The following PPP4R4 variants were observed in gnomAD, a reference collection of about 807,000 sequenced individuals.
The protein encoded by PPP4R4 is serine/threonine-protein phosphatase 4 regulatory subunit 4.
PPP4R4 carries 70 observed loss-of-function variants against 121.8 expected under a neutral mutation model. The observed-to-expected ratio is 0.57, with a 90% CI of 0.47 to 0.70. PPP4R4 has a LOEUF of 0.70. Ranked by LOEUF, PPP4R4 falls within the 30% of genes least tolerant of loss-of-function variation. PPP4R4 has a pLI of 0.00. For synonymous variants in PPP4R4, 348 were observed against 355.7 expected (o/e 0.98, Z 0.24); for missense variants, 875 against 1,033.6 (o/e 0.85, Z 2.10).
chr14:94,200,925 C>CT (rs1448969371), intron 2 of PPP4R4, among the ~76,000 whole-genome samples: 3 of 151,736 alleles, frequency 2.0e-5, no homozygotes, highest in African/African-American at 7.3e-5. Flanking sequence ...CTCAGCTAGT[C>CT]TATTTGTGCT....
chr14:94,185,895 A>C (rs8004076), intron 2 of PPP4R4, among the ~76,000 whole-genome samples: 21,648 of 152,172 alleles, frequency 0.14, 2,185 homozygotes, highest in African/African-American at 0.28. Flanking sequence ...CTAGCACAAA[A>C]TATAGAACAT....
intron 2 of PPP4R4, among the ~76,000 whole-genome samples, chr14:94,181,691 T>A (rs1462642991): frequency 6.6e-6 from 1 of 152,172 alleles, no homozygotes; most frequent in East Asian, 1.9e-4. Flanking sequence ...TGGTTCTAGG[T>A]TTTTATGATT....
chr14:94,211,367 G>T (rs1160133449), intron 3 of PPP4R4, among the ~76,000 whole-genome samples: 1 of 152,178 alleles, frequency 6.6e-6, no homozygotes, highest in Non-Finnish European at 1.5e-5. Context: ...TGTGCATTGG[G>T]ATGGCAAGGA....
chr14:94,249,183 T>C (rs1893052817), intron 14 of PPP4R4, among the ~76,000 whole-genome samples: 1 of 152,054 alleles, frequency 6.6e-6, no homozygotes, highest in South Asian at 2.1e-4. Context: ...AATAATATGC[T>C]TTTGTTTAGT....
intron 23 of PPP4R4, among the ~76,000 whole-genome samples, chr14:94,268,254 TTCA>T (rs1376262848): frequency 7.2e-5 from 11 of 152,222 alleles, no homozygotes; most frequent in African/African-American, 1.2e-4. Flanking sequence ...ATTATAGATG[TTCA>T]TAAGGGGTTC....
At chr14:94,247,489 T>A (rs1892957335) in intron 14 of PPP4R4, among the ~76,000 whole-genome samples, 1 of 152,174 alleles carries the variant, frequency 6.6e-6, no homozygotes, top group African/African-American at 2.4e-5. Context: ...CCTTGCAAGC[T>A]CCTCTGAGCT....
chr14:94,218,126 G>A (rs763655319), intron 3 of PPP4R4, among the ~76,000 whole-genome samples: 2 of 152,166 alleles, frequency 1.3e-5, no homozygotes, highest in Admixed American at 6.5e-5. Context: ...TATCCAAACT[G>A]AAACATAGAG....
At chr14:94,186,414 AT>A (rs1889286736) in intron 2 of PPP4R4, among the ~76,000 whole-genome samples, 2 of 152,078 alleles carry the variant, frequency 1.3e-5, no homozygotes, top group Admixed American at 1.3e-4. Flanking sequence ...ATTATCTTTG[AT>A]GTTGCCTATA....
intron 3 of PPP4R4, among the ~76,000 whole-genome samples, chr14:94,220,476 A>G (rs1308946287): frequency 6.6e-6 from 1 of 151,844 alleles, no homozygotes; most frequent in Non-Finnish European, 1.5e-5. Context: ...TTTTTTTCTC[A>G]GATAACATTA....
intron 7 of PPP4R4, among the ~76,000 whole-genome samples, chr14:94,235,218 A>G (rs1352039732): frequency 1.3e-5 from 2 of 152,090 alleles, no homozygotes; most frequent in African/African-American, 4.8e-5. Flanking sequence ...AAGTCTGTAC[A>G]TGTTCAGTAA....
chr14:94,254,289 C>G (rs1358658235), intron 16 of PPP4R4, among the ~76,000 whole-genome samples: 1 of 152,016 alleles, frequency 6.6e-6, no homozygotes, highest in African/African-American at 2.4e-5. Flanking sequence ...TTTGTTTTTC[C>G]TTAAGTTAAT....
chr14:94,278,745 G>GT lies in PPP4R4; in HGVS notation c.*102_*103insT. 3.3e-6 allele frequency: 4 copies of GT among 1,223,386 alleles called. No individual in the cohort carries two copies. Among genetic ancestry groups the GT allele is most frequent in the Non-Finnish European group, 3.2e-6 (3 of 926,394 alleles). 75.8% of individuals were successfully genotyped at this position (1,223,386 alleles called of 1,614,324 possible). On this transcript the variant is annotated 3_prime_UTR_variant, in exon 25 of 25. Transcript: ENST00000304338. ...GCTGGGGCTTTGTTTTTAAATTTTG[G>GT]GTTTTTTTTTTTGTTGTTGTTAATG...
At chr14:94,242,453 T>G in intron 11 of PPP4R4, 45 bp downstream of exon 11, 1 of 1,539,962 alleles carries the variant, frequency 6.5e-7, no homozygotes. Context: ...TTGTTAATTC[T>G]ACCTATGTAT....
chr14:94,217,531 CAT>C (rs1021039001), intron 3 of PPP4R4, among the ~76,000 whole-genome samples: 16 of 152,088 alleles, frequency 1.1e-4, no homozygotes, highest in African/African-American at 3.9e-4. Flanking sequence ...CTTACCAAAA[CAT>C]AAAGCAACAA....
intron 11 of PPP4R4, among the ~76,000 whole-genome samples, chr14:94,243,502 G>T (rs1024141928): frequency 6.6e-6 from 1 of 152,066 alleles, no homozygotes; most frequent in African/African-American, 2.4e-5. Context: ...GTCTGAGAAT[G>T]CAGTATTTAT....
intron 2 of PPP4R4, among the ~76,000 whole-genome samples, chr14:94,193,559 G>T (rs1417152303): frequency 1.3e-5 from 2 of 152,150 alleles, no homozygotes; most frequent in Admixed American, 6.5e-5. Context: ...TTAGAAGGAG[G>T]TTATTAAAGT....
Position 94,256,464 on chromosome 14 carries a change from A to T in PPP4R4, c.1870A>T (p.Lys624Ter). 6.3e-7 allele frequency: 1 copy of T among 1,585,348 alleles called. No individual in the cohort carries two copies. The highest frequency in any genetic ancestry group is 8.6e-7 in the Non-Finnish European group (1 of 1,160,494). Residue 624 changes from lysine to a stop codon, truncating the protein, a stop_gained, in exon 17 of 25, where the codon AAA (lysine) becomes TAA (stop). Transcript: ENST00000304338. LOFTEE classifies it high-confidence loss of function. ...GTAAATACTATTTTATTGTAGAATG[A>T]AACTTTGCTACCTGTTGCCCAAAGT... ...THDPVANVRM[K>*]LCYLLPKVKS...
rs1209544552 is a variant in PPP4R4 at position 94,251,869 on chromosome 14, T to G, written c.1838T>G (p.Leu613Arg). ...TATTTCTTTCTACCTGCTATTGAAC[T>G]GACACATGATCCAGTAGCAAATGTG... The part of the protein sequence containing the change: ...CKYFFLPAIE[L>R]THDPVANVRM... The change falls in exon 16 of 25, where the codon CTG (leucine) becomes CGG (arginine). Residue 613 changes from leucine to arginine, a missense_variant. Physicochemically the swap from Leu to Arg is moderately radical, Grantham distance 102. Transcript: ENST00000304338. The G allele has an allele frequency of 3.8e-6, 6 of 1,590,794 alleles. No homozygotes were observed. Among genetic ancestry groups the G allele is most frequent in the African/African-American group, 2.7e-5 (2 of 73,786 alleles).
intron 3 of PPP4R4, among the ~76,000 whole-genome samples, chr14:94,217,306 C>G (rs1891076004): frequency 6.6e-6 from 1 of 152,158 alleles, no homozygotes; most frequent in South Asian, 2.1e-4. Flanking sequence ...TATTGGAGGT[C>G]TGAAACCTGT....
Sources: gnomAD v4.1 joint callset for allele counts (sites outside exome capture counted in the v4.1 genomes callset) on GRCh38, gnomAD v4.1.1 for gene constraint, MANE v1.5 for transcripts, NCBI Gene and HGNC (gene_info 2026-07-23, HGNC 2026-07-21) for gene names.